The following ST3GAL4 variants were observed in gnomAD, a reference collection of about 807,000 sequenced individuals.
The protein encoded by ST3GAL4 is ST3 beta-galactoside alpha-2,3-sialyltransferase 4.
ST3GAL4 carries 24 observed loss-of-function variants against 42.6 expected under a neutral mutation model. The observed-to-expected ratio is 0.56, with a 90% CI of 0.41 to 0.79. ST3GAL4 has a LOEUF of 0.79. Among genes scored for constraint, ST3GAL4 ranks in the 30% least tolerant of loss-of-function variants. The pLI, the probability that ST3GAL4 is intolerant of heterozygous loss-of-function variation, is 0.00. For synonymous variants in ST3GAL4, 135 were observed against 163.2 expected (o/e 0.83, Z 1.32); for missense variants, 311 against 430.8 (o/e 0.72, Z 2.46).
At chr11:126,413,281 G>A (rs141065515) in intron 9 of ST3GAL4, 35 of 475,526 alleles carry the variant, frequency 7.4e-5, no homozygotes, top group African/African-American at 1.8e-4. Flanking sequence ...CACATGTGGC[G>A]ATTTAAATTT....
chr11:126,390,017 C>CAAAAAAAAAAAAAAAAA (rs57306343), intron 1 of ST3GAL4, among the ~76,000 whole-genome samples: 3 of 114,610 alleles, frequency 2.6e-5, no homozygotes, highest in African/African-American at 1.0e-4. Context: ...GCTAAAAATA[C>CAAAAAAAAAAAAAAAAA]AAAAAAAAAA....
rs934975253 is a variant in ST3GAL4 at position 126,414,035 on chromosome 11, C to T, written c.990C>T (p.Leu330=). 2.5e-6 allele frequency: 4 copies of T among 1,614,106 alleles called. No homozygotes were observed. Among genetic ancestry groups the T allele is most frequent in the Middle Eastern group, 1.6e-4 (1 of 6,084 alleles). The change falls in exon 11 of 11, where the codon CTC becomes CTT. Residue 330 remains leucine (L), a synonymous_variant. Transcript: ENST00000444328. ...TGGAGATGGGAGCTATCAAGAACCT[C>T]ACGTCCTTCTGACCTGGGCAAGAGC... ...RMLEMGAIKN[L]TSF
chr11:126,380,713 C>G (rs1300260489), intron 1 of ST3GAL4, among the ~76,000 whole-genome samples: 2 of 152,324 alleles, frequency 1.3e-5, no homozygotes, highest in East Asian at 1.9e-4. Context: ...TGCCCTAGCA[C>G]TAGAGACCTC....
intron 1 of ST3GAL4, among the ~76,000 whole-genome samples, chr11:126,357,567 C>T (rs555358853): frequency 4.1e-4 from 62 of 152,262 alleles, no homozygotes; most frequent in South Asian, 1.4e-3. Flanking sequence ...AAGAGAGTGC[C>T]GTGCCCCCGC....
At chr11:126,403,480 A>C in intron 1 of ST3GAL4, 2 of 981,512 alleles carry the variant, frequency 2.0e-6, no homozygotes, top group South Asian at 9.4e-5. Context: ...TTAGAATCAC[A>C]GAGGAGGTAC....
chr11:126,384,289 C>T lies in ST3GAL4; in HGVS notation c.-60-21807C>T, dbSNP rs1216655394. Among the ~76,000 whole-genome samples the T allele has an allele frequency of 2.6e-5, 4 of 152,148 alleles. No individual in the cohort carries two copies. Among genetic ancestry groups the T allele is most frequent in the Admixed American group, 2.6e-4 (4 of 15,272 alleles). On this transcript the variant is annotated intron_variant, in intron 1 of 10. Transcript: ENST00000444328. This position sits in a 1 kb window ranked among gnomAD's most constrained non-coding sequence, Gnocchi z 5.5. Reference sequence around the variant, plus strand: ...GGCAGAGGAAAGGGGTTTCTGAGCCCAGATCTCCGGTGCTCCAAGACACTC... The same window carrying T: ...GGCAGAGGAAAGGGGTTTCTGAGCCTAGATCTCCGGTGCTCCAAGACACTC...
At position 126,392,652 on chromosome 11, in the gene ST3GAL4, A is replaced by G. The variant is rs543224338; in HGVS notation, c.-60-13444A>G. On this transcript the variant is annotated intron_variant, in intron 1 of 10. Coordinates refer to ENST00000444328, the MANE Select transcript of ST3GAL4 (RefSeq NM_001254757.2). The surrounding 1 kb of genome is among the most constrained non-coding windows in gnomAD (Gnocchi z 5.8). Reference sequence around the variant, plus strand: ...TTTAAATATTTGTCAGTTATCTACCATGTGTCAGGCATTAAATTTAGTGCT... The same window carrying G: ...TTTAAATATTTGTCAGTTATCTACCGTGTGTCAGGCATTAAATTTAGTGCT... Among the ~76,000 whole-genome samples the G allele has an allele frequency of 6.6e-6, 1 of 152,340 alleles. No homozygotes were observed. Among genetic ancestry groups the G allele is most frequent in the South Asian group, 2.1e-4 (1 of 4,828 alleles).
chr11:126,399,129 C>T (rs1953897913), intron 1 of ST3GAL4, among the ~76,000 whole-genome samples: 1 of 152,148 alleles, frequency 6.6e-6, no homozygotes, highest in Non-Finnish European at 1.5e-5. Context: ...ATCTCCTTAT[C>T]AAGTGGTCCA....
Position 126,403,981 on chromosome 11 carries a change from C to T in ST3GAL4, c.-60-2115C>T, listed in dbSNP as rs1166539394. 3.9e-5 allele frequency among the ~76,000 whole-genome samples: 6 copies of T among 152,278 alleles called. 1 individual carries two copies. The East Asian group carries it at 5.8e-4, about 15-fold the overall frequency. On this transcript the variant is annotated intron_variant, in intron 1 of 10. Coordinates refer to ENST00000444328, the MANE Select transcript of ST3GAL4 (RefSeq NM_001254757.2). ...TTTAGAATCACCCAGCGGGCTTCAG[C>T]GAATTCCAGTGCTGGGCTAGATGAA...
chr11:126,411,213 T>C lies in ST3GAL4; in HGVS notation c.771+1802T>C, dbSNP rs1207609951. Among the ~76,000 whole-genome samples, 1 of 151,926 alleles carries C rather than the reference T, an allele frequency of 6.6e-6. No individual in the cohort carries two copies. The highest frequency in any genetic ancestry group is 1.5e-5 in the Non-Finnish European group (1 of 67,970). Reference sequence around the variant, plus strand: ...CAGGCTGGAGTGCAGTGGGGTGATCTTGGCTCACTGCAACCTCTGCCTCCC... The same window carrying C: ...CAGGCTGGAGTGCAGTGGGGTGATCCTGGCTCACTGCAACCTCTGCCTCCC... On this transcript the variant is annotated intron_variant, in intron 9 of 10. Transcript: ENST00000444328. This position sits in a 1 kb window ranked among gnomAD's most constrained non-coding sequence, Gnocchi z 6.3.
chr11:126,411,340 C>T lies in ST3GAL4; in HGVS notation c.771+1929C>T, dbSNP rs1194097322. Among the ~76,000 whole-genome samples the T allele has an allele frequency of 6.6e-6, 1 of 152,054 alleles. No homozygotes were observed. The highest frequency in any genetic ancestry group is 1.5e-5 in the Non-Finnish European group (1 of 67,992). ...TTTGTATTTTTACGAAAATACAAAA[C>T]ACAGGAGTGCTGGTCTCGAACTCCT... On this transcript the variant is annotated intron_variant, in intron 9 of 10. Coordinates refer to ENST00000444328, the MANE Select transcript of ST3GAL4 (RefSeq NM_001254757.2). The surrounding 1 kb of genome is among the most constrained non-coding windows in gnomAD (Gnocchi z 6.3).
chr11:126,380,712 A>G (rs1237082503), intron 1 of ST3GAL4, among the ~76,000 whole-genome samples: 1 of 152,200 alleles, frequency 6.6e-6, no homozygotes, highest in Admixed American at 6.5e-5. Flanking sequence ...TTGCCCTAGC[A>G]CTAGAGACCT....
chr11:126,390,017 C>CAA (rs57306343), intron 1 of ST3GAL4, among the ~76,000 whole-genome samples: 9 of 114,632 alleles, frequency 7.9e-5, no homozygotes, highest in Admixed American at 9.6e-5. Flanking sequence ...GCTAAAAATA[C>CAA]AAAAAAAAAA....
rs1952306605 is a variant in ST3GAL4, at chr11:126,363,196, C to T, written c.-61+7354C>T. ...GTTTCTCTAGACCTCCTGCCCCCATCTCCTTCCTGTCCCTGTTTGAGCCGT... is the reference window on the plus strand; with the variant it reads ...GTTTCTCTAGACCTCCTGCCCCCATTTCCTTCCTGTCCCTGTTTGAGCCGT... On this transcript the variant is annotated intron_variant, in intron 1 of 10. Coordinates refer to ENST00000444328, the MANE Select transcript of ST3GAL4 (RefSeq NM_001254757.2). This position sits in a 1 kb window ranked among gnomAD's most constrained non-coding sequence, Gnocchi z 4.6. Among the ~76,000 whole-genome samples the T allele has an allele frequency of 6.6e-6, 1 of 152,238 alleles. No homozygotes were observed. Among genetic ancestry groups the T allele is most frequent in the Non-Finnish European group, 1.5e-5 (1 of 68,040 alleles).
In ST3GAL4 at chr11:126,384,789, G is replaced by A. The variant is rs1953154275; in HGVS notation, c.-60-21307G>A. Reference sequence around the variant, plus strand: ...AGGGCAGGACAGAGTGGGAGTGGCAGTGCCTCTGCCTGTCTCCCTGGCCGT... The same window carrying A: ...AGGGCAGGACAGAGTGGGAGTGGCAATGCCTCTGCCTGTCTCCCTGGCCGT... On this transcript the variant is annotated intron_variant, in intron 1 of 10. Transcript: ENST00000444328. The surrounding 1 kb of genome is among the most constrained non-coding windows in gnomAD (Gnocchi z 5.5). The A allele has an allele frequency of 2.0e-6, 2 of 985,444 alleles. No individual in the cohort carries two copies. The highest frequency in any genetic ancestry group is 2.4e-6 in the Non-Finnish European group (2 of 829,938). The allele number at this position is 985,444 out of a possible 1,614,324, so 61.0% of individuals were successfully genotyped here.
intron 1 of ST3GAL4, among the ~76,000 whole-genome samples, chr11:126,372,418 C>CTTTTTTTTTTT (rs576229954): frequency 7.0e-6 from 1 of 143,304 alleles, no homozygotes. Context: ...CTTTTCTTTT[C>CTTTTTTTTTTT]TTTTTTTTTT....
At chr11:126,412,369 G>A (rs1185601175) in intron 9 of ST3GAL4, among the ~76,000 whole-genome samples, 3 of 152,334 alleles carry the variant, frequency 2.0e-5, no homozygotes, top group Middle Eastern at 3.4e-3. Context: ...GTCCAGGAAA[G>A]GCTCCCAAAT....
At position 126,398,514 on chromosome 11, in the gene ST3GAL4, T is replaced by C. The variant is rs1350240400; in HGVS notation, c.-60-7582T>C. Among the ~76,000 whole-genome samples the C allele has an allele frequency of 1.3e-5, 2 of 152,192 alleles. No homozygotes were observed. Among genetic ancestry groups the C allele is most frequent in the African/African-American group, 4.8e-5 (2 of 41,436 alleles). On this transcript the variant is annotated intron_variant, in intron 1 of 10. Coordinates refer to ENST00000444328, the MANE Select transcript of ST3GAL4 (RefSeq NM_001254757.2). This position sits in a 1 kb window ranked among gnomAD's most constrained non-coding sequence, Gnocchi z 4.7. ...TGCTTGCAGCTCCCCCAGGTTGCTG[T>C]TGCACACTGGTAGCTCTGCAGTTCT... is the stretch of plus-strand genomic sequence containing the variant.
intron 1 of ST3GAL4, among the ~76,000 whole-genome samples, chr11:126,385,995 C>T (rs1953212033): frequency 6.6e-6 from 1 of 152,206 alleles, no homozygotes; most frequent in Admixed American, 6.5e-5. Flanking sequence ...ACCCCCTTTC[C>T]TTCCTGGCTG....
Sources: allele counts gnomAD v4.1 joint callset (sites outside exome capture counted in the v4.1 genomes callset), GRCh38; gene constraint gnomAD v4.1.1; non-coding constraint Gnocchi (gnomAD v3.1); transcripts MANE v1.5; gene names NCBI Gene and HGNC (gene_info 2026-07-23, HGNC 2026-07-21).